NKAIN2: variants seen among roughly 807,000 people sequenced by gnomAD.
NKAIN2 encodes sodium/potassium transporting ATPase interacting 2.
Under a neutral mutation model 32.6 loss-of-function variants are expected in NKAIN2, and 14 were observed. That is an observed-to-expected ratio of 0.43 (90% CI 0.28 to 0.67). NKAIN2 has a LOEUF of 0.67. NKAIN2 is among the 30% of genes least tolerant of loss of function. NKAIN2 has a pLI of 0.17. For missense variants in NKAIN2, 198 were observed against 258.3 expected (o/e 0.77, Z 1.60); for synonymous variants, 80 against 87.2 (o/e 0.92, Z 0.46).
At chr6:123,911,187 C>G (rs1483344973) in intron 1 of NKAIN2, among the ~76,000 whole-genome samples, 4 of 152,042 alleles carry the variant, frequency 2.6e-5, no homozygotes, top group Admixed American at 2.0e-4. Flanking sequence ...AACCCTTCTT[C>G]TAATTCTGTC....
chr6:124,791,381 A>G lies in NKAIN2; in HGVS notation c.517A>G (p.Thr173Ala), dbSNP rs996608908. 6.2e-7 allele frequency: 1 copy of G among 1,607,206 alleles called. No individual in the cohort carries two copies. ...CGCCTGTTATGTTGTGAAATGTATA[A>G]CTGAAGAAGAGGACAGCTGTAAGTA... ...IYACYVVKCI[T>A]EEEDSFDFIG... Residue 173 changes from threonine (T) to alanine (A), a missense_variant, in exon 5 of 7, where the codon ACT (threonine) becomes GCT (alanine). Physicochemically the swap from Thr to Ala is moderately conservative, Grantham distance 58. Coordinates refer to ENST00000368417, the MANE Select transcript of NKAIN2 (RefSeq NM_001040214.3).
intron 2 of NKAIN2, among the ~76,000 whole-genome samples, chr6:124,332,375 TACTAC>T (rs1436257443): frequency 2.6e-5 from 4 of 152,108 alleles, no homozygotes; most frequent in Non-Finnish European, 5.9e-5. Flanking sequence ...TTGGAATGAT[TACTAC>T]ACACGACACT....
At chr6:124,009,718 A>T (rs753818551) in intron 1 of NKAIN2, among the ~76,000 whole-genome samples, 24 of 152,162 alleles carry the variant, frequency 1.6e-4, no homozygotes, top group Non-Finnish European at 3.2e-4. Flanking sequence ...CTTATTCTTC[A>T]TAAAATAAAT....
intron 4 of NKAIN2, among the ~76,000 whole-genome samples, chr6:124,685,449 T>C (rs1184279245): frequency 1.3e-5 from 2 of 152,178 alleles, no homozygotes; most frequent in Non-Finnish European, 2.9e-5. Context: ...ATATTACATA[T>C]GAGATTATTT....
chr6:123,837,613 G>A (rs1464451320), intron 1 of NKAIN2, among the ~76,000 whole-genome samples: 1 of 152,116 alleles, frequency 6.6e-6, no homozygotes, highest in Non-Finnish European at 1.5e-5. Context: ...AATAGTCTGA[G>A]TGATTGTGTT....
chr6:124,118,296 A>G (rs373296189), intron 1 of NKAIN2, among the ~76,000 whole-genome samples: 65 of 152,212 alleles, frequency 4.3e-4, no homozygotes, highest in African/African-American at 1.6e-3. Flanking sequence ...AAAAATCGGA[A>G]TAAAAAGGAA....
intron 2 of NKAIN2, among the ~76,000 whole-genome samples, chr6:124,336,539 C>T (rs73571168): frequency 0.014 from 2,180 of 152,134 alleles, 63 homozygotes; most frequent in African/African-American, 0.05. Context: ...TAGCATTGAG[C>T]CATTTTGTCA....
chr6:123,902,971 T>G (rs1774677030), intron 1 of NKAIN2, among the ~76,000 whole-genome samples: 1 of 152,176 alleles, frequency 6.6e-6, no homozygotes, highest in Admixed American at 6.5e-5. Context: ...AGCAGCAAAT[T>G]ATTGGTGGGA....
At chr6:124,720,040 C>A (rs1235449866) in intron 4 of NKAIN2, among the ~76,000 whole-genome samples, 1 of 151,928 alleles carries the variant, frequency 6.6e-6, no homozygotes, top group African/African-American at 2.4e-5. Flanking sequence ...CTCATTCTTT[C>A]TTTAGAGGAC....
chr6:124,130,521 C>T lies in NKAIN2; in HGVS notation c.55-152484C>T, dbSNP rs1011373719. ...GTAAATATGTATATTTGCTCTTTTT[C>T]TCTTGTATTTGCATGCATTTGTAGA... On this transcript the variant is annotated intron_variant, in intron 1 of 6. Coordinates refer to ENST00000368417, the MANE Select transcript of NKAIN2 (RefSeq NM_001040214.3). 4.0e-5 allele frequency among the ~76,000 whole-genome samples: 6 copies of T among 151,200 alleles called. No individual in the cohort carries two copies. The East Asian group carries it at 1.2e-3, about 29-fold the overall frequency.
chr6:124,627,131 A>G (rs553233391), intron 3 of NKAIN2, among the ~76,000 whole-genome samples: 20 of 152,034 alleles, frequency 1.3e-4, no homozygotes, highest in Non-Finnish European at 2.4e-4. Flanking sequence ...TTAGGTGGGC[A>G]TGATGGTGCG....
intron 3 of NKAIN2, among the ~76,000 whole-genome samples, chr6:124,601,932 A>C (rs1267059694): frequency 3.3e-5 from 5 of 152,012 alleles, no homozygotes; most frequent in African/African-American, 9.7e-5. Flanking sequence ...ATTTATTTCC[A>C]AGCTGTCAGT....
intron 1 of NKAIN2, among the ~76,000 whole-genome samples, chr6:124,050,322 T>C (rs114265370): frequency 0.012 from 1,816 of 152,136 alleles, 37 homozygotes; most frequent in African/African-American, 0.041. Context: ...TTAGTCTGAC[T>C]GGTCAAAGCG....
At chr6:124,145,706 T>C (rs530939088) in intron 1 of NKAIN2, among the ~76,000 whole-genome samples, 27 of 152,128 alleles carry the variant, frequency 1.8e-4, no homozygotes, top group African/African-American at 6.0e-4. Context: ...GGGGTTTTAC[T>C]GTGTTAGCCA....
chr6:124,269,415 G>A lies in NKAIN2; in HGVS notation c.55-13590G>A, dbSNP rs138017171. Among the ~76,000 whole-genome samples, 340 of 150,792 alleles carry A rather than the reference G, an allele frequency of 2.3e-3. 1 individual carries two copies. The highest frequency in any genetic ancestry group is 7.9e-3 in the African/African-American group (322 of 40,978). On this transcript the variant is annotated intron_variant, in intron 1 of 6. Coordinates refer to ENST00000368417, the MANE Select transcript of NKAIN2 (RefSeq NM_001040214.3). The stretch of plus-strand genomic sequence containing the variant: ...TGAAATGATATTCTCTTGTAGTTCT[G>A]GTGGCAATTTCTTTTTCTTTTCTTT...
intron 3 of NKAIN2, among the ~76,000 whole-genome samples, chr6:124,524,292 G>T (rs1483552775): frequency 6.6e-6 from 1 of 152,098 alleles, no homozygotes; most frequent in Non-Finnish European, 1.5e-5. Flanking sequence ...AATAAAAATA[G>T]TCCTTTCCTC....
At chr6:124,136,971 C>G (rs954810409) in intron 1 of NKAIN2, among the ~76,000 whole-genome samples, 2 of 152,076 alleles carry the variant, frequency 1.3e-5, no homozygotes, top group African/African-American at 4.8e-5. Flanking sequence ...TGGCCACTTT[C>G]AGCACTTCTA....
rs955379411 is a variant in NKAIN2, at chr6:124,139,980, T to A, written c.55-143025T>A. Among the ~76,000 whole-genome samples the A allele has an allele frequency of 2.0e-5, 3 of 152,202 alleles. No individual in the cohort carries two copies. In the South Asian group the frequency reaches 6.2e-4, roughly 31 times the overall value. ...AGATGTTATTAATTTCTATTTTTAT[T>A]TTCTTCACTGGAAACCTGAATCTGG... On this transcript the variant is annotated intron_variant, in intron 1 of 6. Coordinates refer to ENST00000368417, the MANE Select transcript of NKAIN2 (RefSeq NM_001040214.3).
At chr6:123,959,925 ATGTGTGTGTG>A (rs6149793) in intron 1 of NKAIN2, among the ~76,000 whole-genome samples, 10,438 of 141,296 alleles carry the variant, frequency 0.074, 456 homozygotes, top group South Asian at 0.13. Context: ...TCTTCCATAT[ATGTGTGTGTG>A]TGTGTGTGTG....
Sources: gnomAD v4.1 joint callset for allele counts (sites outside exome capture counted in the v4.1 genomes callset) on GRCh38, gnomAD v4.1.1 for gene constraint, MANE v1.5 for transcripts, NCBI Gene and HGNC (gene_info 2026-07-23, HGNC 2026-07-21) for gene names.